The following N4BP1 variants were observed in gnomAD, a reference collection of about 807,000 sequenced individuals.
N4BP1 encodes NEDD4 binding protein 1, also known as NEDD4-binding protein 1.
In N4BP1, 21 loss-of-function variants were observed where a neutral mutation model predicts 70.9. The ratio of observed to expected loss-of-function variants is 0.30; its 90% CI spans 0.21 to 0.43. N4BP1 has a LOEUF of 0.43. N4BP1 is among the 20% of genes least tolerant of loss of function. N4BP1 has a pLI of 1.00. For missense variants in N4BP1, 936 were observed against 1,069.4 expected (o/e 0.88, Z 1.74); for synonymous variants, 387 against 394.6 (o/e 0.98, Z 0.23).
intron 1 of N4BP1, among the ~76,000 whole-genome samples, chr16:48,608,184 C>G (rs761406090): frequency 6.6e-6 from 1 of 152,150 alleles, no homozygotes; most frequent in Non-Finnish European, 1.5e-5. Flanking sequence ...TTTTCCGATT[C>G]TCAAGAACAC....
At chr16:48,559,191 C>T (rs538148967) in intron 2 of N4BP1, among the ~76,000 whole-genome samples, 5 of 151,930 alleles carry the variant, frequency 3.3e-5, no homozygotes, top group African/African-American at 4.8e-5. Flanking sequence ...ATTTGAAAAT[C>T]CTAATAAAAA....
At chr16:48,557,842 T>G (rs188430621) in intron 2 of N4BP1, among the ~76,000 whole-genome samples, 2 of 152,330 alleles carry the variant, frequency 1.3e-5, no homozygotes, top group East Asian at 3.9e-4. Flanking sequence ...TCAGGGACTA[T>G]GGGTATTAGA....
chr16:48,560,714 C>T lies in N4BP1; in HGVS notation c.1889+40G>A, dbSNP rs370720462. On this transcript the variant is annotated intron_variant, in intron 2 of 6. Coordinates refer to ENST00000262384, the MANE Select transcript of N4BP1 (RefSeq NM_153029.4). ...TGTGATTCTGAGACACCATTTAGAG[C>T]CCTATTTAAAATAAAATAATCTGCA... 3.5e-5 allele frequency: 54 copies of T among 1,552,640 alleles called. No homozygotes were observed. In the Admixed American group the frequency reaches 3.8e-4, roughly 11 times the overall value.
rs756358596 is a variant in N4BP1, at chr16:48,575,709, G to C, written c.199-13265C>G. On this transcript the variant is annotated intron_variant, in intron 1 of 6. Coordinates refer to ENST00000262384, the MANE Select transcript of N4BP1 (RefSeq NM_153029.4). ...ATTCTCAGAAGCAGCTGACTCTTAA[G>C]TGTAGAAGGGGCAGCACTGAGTGCT... Among the ~76,000 whole-genome samples the C allele has an allele frequency of 2.6e-5, 4 of 152,336 alleles. No individual in the cohort carries two copies. In the East Asian group the frequency reaches 7.7e-4, roughly 29 times the overall value.
In N4BP1 at chr16:48,561,412, T is replaced by C; in HGVS notation, c.1231A>G (p.Asn411Asp). The C allele has an allele frequency of 6.2e-7, 1 of 1,613,932 alleles. No individual in the cohort carries two copies. Among genetic ancestry groups the C allele is most frequent in the East Asian group, 2.2e-5 (1 of 44,878 alleles). ...TTTGTGCTGCTATAAACACCTTTAT[T>C]TTTGGTTTTGTTGGTCTCTGGATAC... ...TVYPETNKTK[N>D]KGVYSSTNEL... The change falls in exon 2 of 7, where the codon AAT (asparagine) becomes GAT (aspartate). Residue 411 changes from asparagine (N) to aspartate (D), a missense_variant. This residue lies in a region of N4BP1 where 515 missense variants were observed against 491.7 expected (regional missense o/e 1.05). Transcript: ENST00000262384.
intron 1 of N4BP1, chr16:48,578,199 C>G (rs981885283): frequency 5.9e-6 from 1 of 169,522 alleles, no homozygotes; most frequent in African/African-American, 2.4e-5. Flanking sequence ...GACCAGGTGG[C>G]CCAGCTTGGT....
At chr16:48,573,125 A>G (rs1964044942) in intron 1 of N4BP1, among the ~76,000 whole-genome samples, 2 of 150,606 alleles carry the variant, frequency 1.3e-5, no homozygotes, top group African/African-American at 2.4e-5. Context: ...AAAAAAAAAG[A>G]AAAAAGAAAA....
intron 1 of N4BP1, among the ~76,000 whole-genome samples, chr16:48,586,372 G>A (rs1431099070): frequency 1.3e-5 from 2 of 152,168 alleles, no homozygotes; most frequent in Non-Finnish European, 2.9e-5. Flanking sequence ...TAACCACAAT[G>A]TCATTACTGC....
intron 2 of N4BP1, chr16:48,560,549 C>T: frequency 1.8e-6 from 1 of 554,458 alleles, no homozygotes; most frequent in Non-Finnish European, 3.1e-6. Flanking sequence ...TTAAGTTCAG[C>T]AGGGTGAAGT....
In N4BP1 at chr16:48,562,401, T is replaced by G; in HGVS notation, c.242A>C (p.Glu81Ala). Residue 81 changes from glutamate to alanine, a missense_variant, in exon 2 of 7, where the codon GAA (glutamate) becomes GCA (alanine). This residue lies in a region of N4BP1 where 187 missense variants were observed against 217.1 expected (regional missense o/e 0.86). Transcript: ENST00000262384. ...GICEPELEERECYPKDMHCIF... is the reference protein window; with the variant it reads ...GICEPELEERACYPKDMHCIF... The stretch of plus-strand genomic sequence containing the variant: ...GCAGTGCATGTCCTTGGGGTAACAT[T>G]CTCTTTCTTCTAGTTCAGGTTCACA... The G allele has an allele frequency of 6.2e-7, 1 of 1,612,682 alleles. No individual in the cohort carries two copies. Among genetic ancestry groups the G allele is most frequent in the Non-Finnish European group, 8.5e-7 (1 of 1,179,446 alleles).
At chr16:48,609,048 CAA>C (rs746386089) in intron 1 of N4BP1, among the ~76,000 whole-genome samples, 52,903 of 121,462 alleles carry the variant, frequency 0.44, 11,102 homozygotes, top group African/African-American at 0.58. Context: ...AATCCCCTAC[CAA>C]AAAAAAAAAA....
chr16:48,569,256 TG>T lies in N4BP1; in HGVS notation c.199-6813del, dbSNP rs577635093. On this transcript the variant is annotated intron_variant, in intron 1 of 6. Coordinates refer to ENST00000262384, the MANE Select transcript of N4BP1 (RefSeq NM_153029.4). The stretch of plus-strand genomic sequence containing the variant: ...AATTACGTTTTGAAACCTTCAATCT[TG>T]TTTAAATCTTACAAATACTGAAACT... Among the ~76,000 whole-genome samples the T allele has an allele frequency of 3.0e-4, 45 of 152,366 alleles. No individual in the cohort carries two copies. In the South Asian group the frequency reaches 8.9e-3, roughly 30 times the overall value.
chr16:48,597,056 C>G (rs1010396190), intron 1 of N4BP1, among the ~76,000 whole-genome samples: 1 of 152,194 alleles, frequency 6.6e-6, no homozygotes, highest in Non-Finnish European at 1.5e-5. Context: ...CATCTCCAAC[C>G]TGACCAATCA....
Position 48,609,885 on chromosome 16 carries a change from G to A in N4BP1, c.88C>T (p.Leu30=), listed in dbSNP as rs1964655187. The change falls in exon 1 of 7, where the codon CTG becomes TTG. Residue 30 remains leucine (L), a synonymous_variant. Transcript: ENST00000262384. Reference sequence around the variant, plus strand: ...AGCACGGCTAGGCTCACGCCAAACAGGCCCTCGATACGGCCGCGGCTCTGC... The same window carrying A: ...AGCACGGCTAGGCTCACGCCAAACAAGCCCTCGATACGGCCGCGGCTCTGC... ...LEQSRGRIEG[L]FGVSLAVLGA... 1.4e-6 allele frequency: 2 copies of A among 1,479,518 alleles called. No homozygotes were observed. Among genetic ancestry groups the A allele is most frequent in the Non-Finnish European group, 1.8e-6 (2 of 1,117,480 alleles). The allele number at this position is 1,479,518 out of a possible 1,614,324, so 91.6% of individuals were successfully genotyped here.
chr16:48,601,407 G>A (rs1964496070), intron 1 of N4BP1, among the ~76,000 whole-genome samples: 1 of 151,914 alleles, frequency 6.6e-6, no homozygotes, highest in Non-Finnish European at 1.5e-5. Flanking sequence ...AAAAGCTCCT[G>A]TTTTTGGAAA....
intron 1 of N4BP1, among the ~76,000 whole-genome samples, chr16:48,568,617 G>A (rs759815740): frequency 6.6e-6 from 1 of 152,176 alleles, no homozygotes; most frequent in Admixed American, 6.5e-5. Flanking sequence ...AATTTCACTG[G>A]ATAGAGAATT....
chr16:48,551,513 A>G, intron 3 of N4BP1, 31 bp from the exon 4 acceptor site: 1 of 1,457,924 alleles, frequency 6.9e-7, no homozygotes, highest in Non-Finnish European at 9.5e-7. Context: ...ATATACATTC[A>G]GAAAAGGGCT....
chr16:48,579,022 G>C (rs1476543147), intron 1 of N4BP1, among the ~76,000 whole-genome samples: 2 of 90,716 alleles, frequency 2.2e-5, no homozygotes, highest in East Asian at 5.2e-4. Context: ...AGAGACATTT[G>C]ACAATGCCAA....
intron 1 of N4BP1, among the ~76,000 whole-genome samples, chr16:48,563,337 A>G (rs1353133282): frequency 6.6e-6 from 1 of 152,032 alleles, no homozygotes; most frequent in Non-Finnish European, 1.5e-5. Context: ...CCTGGGCCAA[A>G]GAGCGGGACC....
Sources: allele counts gnomAD v4.1 joint callset (sites outside exome capture counted in the v4.1 genomes callset), GRCh38; gene constraint gnomAD v4.1.1; regional missense constraint gnomAD v4.1.1; transcripts MANE v1.5; gene names NCBI Gene and HGNC (gene_info 2026-07-23, HGNC 2026-07-21).